ZNF365: variants seen among roughly 807,000 people sequenced by gnomAD.
ZNF365 encodes protein ZNF365.
In ZNF365, 22 loss-of-function variants were observed where a neutral mutation model predicts 35.0. The observed-to-expected ratio is 0.63, with a 90% confidence interval of 0.45 to 0.90. The LOEUF (loss-of-function observed/expected upper bound fraction) is 0.90, where lower values mean the gene tolerates loss of function less well. Ranked by LOEUF, ZNF365 falls within the 40% of genes least tolerant of loss-of-function variation. The probability of loss-of-function intolerance (pLI) is 0.00; values close to 1 mark genes in which losing one functional copy is unlikely to be tolerated. For synonymous variants in ZNF365, 188 were observed against 196.2 expected, an observed-to-expected ratio of 0.96 and a Z score of 0.35; for missense variants, 448 against 500.3, an observed-to-expected ratio of 0.90 and a Z score of 1.00.
At position 62,401,539 on chromosome 10, in the gene ZNF365, A is replaced by G. The variant is rs1343289482; in HGVS notation, c.*1750A>G. 12 of 985,360 alleles carry G rather than the reference A, an allele frequency of 1.2e-5. No homozygotes were observed. The highest frequency in any genetic ancestry group is 3.5e-5 in the African/African-American group (2 of 57,208). The allele number at this position is 985,360 out of a possible 1,614,324, so 61.0% of individuals were successfully genotyped here. ...ATAAGCAGCTATCAAGTGGGCAAAA[A>G]CATTGCTGTGAATAGCACTGTTTAG... On this transcript the variant is annotated 3_prime_UTR_variant, in exon 5 of 5. Coordinates refer to ENST00000395254, the MANE Select transcript of ZNF365 (RefSeq NM_014951.3).
chr10:62,465,221 G>A (rs1427924721), intron 4 of ZNF365, among the ~76,000 whole-genome samples: 1 of 152,234 alleles, frequency 6.6e-6, no homozygotes, highest in Non-Finnish European at 1.5e-5. Context: ...GGTTGCACAT[G>A]CTTGGAGCAG....
intron 3 of ZNF365, among the ~76,000 whole-genome samples, chr10:62,410,554 C>A (rs1839970430): frequency 6.6e-6 from 1 of 152,052 alleles, no homozygotes; most frequent in African/African-American, 2.4e-5. Context: ...GTGTGTAGTT[C>A]CCCACCCTAT....
chr10:62,384,576 T>G (rs1213488062), intron 2 of ZNF365, among the ~76,000 whole-genome samples: 1 of 152,258 alleles, frequency 6.6e-6, no homozygotes, highest in Non-Finnish European at 1.5e-5. Flanking sequence ...TAGTTCCACA[T>G]TCAGTCTGTT....
Position 62,401,970 on chromosome 10 carries a change from T to C in ZNF365, c.*2181T>C. ...TGACCCCATATAAAGAAATGTGTTATGTATGTTGTGCCTCCTTAGAGACAT... is the reference window on the plus strand; with the variant it reads ...TGACCCCATATAAAGAAATGTGTTACGTATGTTGTGCCTCCTTAGAGACAT... On this transcript the variant is annotated 3_prime_UTR_variant, in exon 5 of 5. Transcript: ENST00000395254. The C allele has an allele frequency of 1.0e-6, 1 of 985,592 alleles. No individual in the cohort carries two copies. The highest frequency in any genetic ancestry group is 4.7e-5 in the South Asian group (1 of 21,286). The allele number at this position is 985,592 out of a possible 1,614,324, so 61.1% of individuals were successfully genotyped here. A position where few individuals can be genotyped will look rare whatever the true frequency, so the allele number is the denominator to read the frequency against.
At chr10:62,461,904 G>A (rs1450903784) in intron 4 of ZNF365, among the ~76,000 whole-genome samples, 2 of 152,106 alleles carry the variant, frequency 1.3e-5, no homozygotes, top group Non-Finnish European at 2.9e-5. Context: ...TAAAAATATA[G>A]AGGCTTTATA....
At chr10:62,398,675 T>G in intron 3 of ZNF365, 65 bp from the exon 4 acceptor site, 1 of 1,480,006 alleles carries the variant, frequency 6.8e-7, no homozygotes, top group African/African-American at 1.4e-5. Flanking sequence ...GTATAAGAAA[T>G]ATTTTAAAAA....
chr10:62,463,241 G>T (rs887792708), intron 4 of ZNF365, among the ~76,000 whole-genome samples: 4 of 152,226 alleles, frequency 2.6e-5, no homozygotes, highest in African/African-American at 9.7e-5. Flanking sequence ...CCAAGTCATG[G>T]TGCTTAGGGT....
intron 4 of ZNF365, among the ~76,000 whole-genome samples, chr10:62,473,860 T>C (rs1841084974): frequency 6.6e-6 from 1 of 152,074 alleles, no homozygotes; most frequent in Non-Finnish European, 1.5e-5. Context: ...GGTATCAGGG[T>C]CGGTAATTCA....
intron 3 of ZNF365, among the ~76,000 whole-genome samples, chr10:62,410,982 G>C (rs1839976647): frequency 6.6e-6 from 1 of 152,154 alleles, no homozygotes; most frequent in Non-Finnish European, 1.5e-5. Flanking sequence ...ACTAGCTTGA[G>C]ACAGTGTATC....
chr10:62,456,343 G>A (rs903575489), intron 3 of ZNF365, among the ~76,000 whole-genome samples: 3 of 151,858 alleles, frequency 2.0e-5, no homozygotes, highest in Non-Finnish European at 4.4e-5. Flanking sequence ...CATAAAACAT[G>A]CCTATATTTA....
chr10:62,477,757 C>A (rs1841157091), intron 4 of ZNF365, among the ~76,000 whole-genome samples: 1 of 152,122 alleles, frequency 6.6e-6, no homozygotes, highest in Non-Finnish European at 1.5e-5. Flanking sequence ...AGTCTCATGG[C>A]AGAGAAAAGA....
At chr10:62,476,326 G>A (rs1841130142) in intron 4 of ZNF365, among the ~76,000 whole-genome samples, 1 of 152,162 alleles carries the variant, frequency 6.6e-6, no homozygotes, top group Admixed American at 6.5e-5. Context: ...TGATTTGGGA[G>A]GAAAAGTGTG....
At chr10:62,418,930 C>A (rs10821998) in intron 3 of ZNF365, among the ~76,000 whole-genome samples, 89,729 of 151,452 alleles carry the variant, frequency 0.59, 27,740 homozygotes, top group East Asian at 0.84. Flanking sequence ...CTTTCAGTGC[C>A]AGCTCAGACA....
At chr10:62,478,122 A>G (rs1841162471) in intron 4 of ZNF365, among the ~76,000 whole-genome samples, 1 of 152,194 alleles carries the variant, frequency 6.6e-6, no homozygotes, top group Admixed American at 6.5e-5. Flanking sequence ...AGGTGATAGG[A>G]GACAGTCTCT....
Position 62,380,472 on chromosome 10 carries a change from G to GC in ZNF365, c.743+3536_743+3537insC, listed in dbSNP as rs1458321360. Among the ~76,000 whole-genome samples, 3 of 152,170 alleles carry GC rather than the reference G, an allele frequency of 2.0e-5. No homozygotes were observed. The East Asian group carries it at 5.8e-4, about 29-fold the overall frequency. On this transcript the variant is annotated intron_variant, in intron 2 of 4. Transcript: ENST00000395254. ...GTTTATGTTATCAGTAAGGCTTCTGGTTAGCAGTAGGCTATTAGGAGTTAA... is the reference window on the plus strand; with the variant it reads ...GTTTATGTTATCAGTAAGGCTTCTGGCTTAGCAGTAGGCTATTAGGAGTTAA...
chr10:62,423,442 G>C (rs1475966721), intron 3 of ZNF365, among the ~76,000 whole-genome samples: 1 of 152,100 alleles, frequency 6.6e-6, no homozygotes, highest in African/African-American at 2.4e-5. Context: ...ATTCAGACTT[G>C]GACAGAATAT....
At chr10:62,455,676 A>G (rs2132476824) in intron 3 of ZNF365, among the ~76,000 whole-genome samples, 1 of 152,298 alleles carries the variant, frequency 6.6e-6, no homozygotes, top group African/African-American at 2.4e-5. Flanking sequence ...AGAGAAGGAT[A>G]GAAAATAAAA....
At chr10:62,382,713 C>T (rs955753898) in intron 2 of ZNF365, among the ~76,000 whole-genome samples, 1 of 152,112 alleles carries the variant, frequency 6.6e-6, no homozygotes, top group African/African-American at 2.4e-5. Context: ...GGAAAGAGAG[C>T]GCAGGAGCCG....
At chr10:62,471,096 G>A (rs1042899613) in intron 4 of ZNF365, among the ~76,000 whole-genome samples, 2 of 151,944 alleles carry the variant, frequency 1.3e-5, no homozygotes, top group African/African-American at 4.8e-5. Context: ...GCCGGGTGCC[G>A]TGGCTCACTC....
Sources: gnomAD v4.1 joint callset for allele counts (sites outside exome capture counted in the v4.1 genomes callset) on GRCh38, gnomAD v4.1.1 for gene constraint, MANE v1.5 for transcripts, NCBI Gene and HGNC (gene_info 2026-07-23, HGNC 2026-07-21) for gene names.